TPRG1: variants seen among roughly 807,000 people sequenced by gnomAD.
TPRG1 encodes the protein tumor protein p63 regulated 1, also known as tumor protein p63-regulated gene 1 protein.
A neutral mutation model predicts 29.3 loss-of-function variants in TPRG1; 29 were observed. The ratio of observed to expected loss-of-function variants is 0.99; its 90% CI spans 0.74 to 1.35. TPRG1 has a LOEUF of 1.35. Among genes scored for constraint, TPRG1 ranks in the 40% most tolerant of loss-of-function variants. The pLI, the probability that TPRG1 is intolerant of heterozygous loss-of-function variation, is 0.00. For missense variants in TPRG1, 327 were observed against 335.0 expected (o/e 0.98, Z 0.19); for synonymous variants, 130 against 116.8 (o/e 1.11, Z -0.73).
chr3:189,226,393 T>G (rs931817352), intron 3 of TPRG1, among the ~76,000 whole-genome samples: 2 of 151,966 alleles, frequency 1.3e-5, no homozygotes, highest in Admixed American at 1.3e-4. Flanking sequence ...GTCCAAACAC[T>G]CGGAAATTAA....
intron 2 of TPRG1, among the ~76,000 whole-genome samples, chr3:189,208,621 T>C (rs1353950993): frequency 6.6e-6 from 1 of 152,174 alleles, no homozygotes; most frequent in Non-Finnish European, 1.5e-5. Flanking sequence ...GCATATACTC[T>C]TATGTGCAAG....
At chr3:189,130,382 C>T (rs931023900) in intron 2 of TPRG1, among the ~76,000 whole-genome samples, 19 of 152,220 alleles carry the variant, frequency 1.2e-4, no homozygotes, top group African/African-American at 4.3e-4. Flanking sequence ...GGTGAATTAA[C>T]TTACATGTAG....
intron 3 of TPRG1, among the ~76,000 whole-genome samples, chr3:189,012,965 G>A (rs1431270689): frequency 6.6e-6 from 1 of 151,894 alleles, no homozygotes; most frequent in Admixed American, 6.6e-5. Flanking sequence ...ATTTCTTGAA[G>A]GATTTTTCAT....
chr3:189,178,421 C>T (rs1263702598), intron 1 of TPRG1, among the ~76,000 whole-genome samples: 2 of 152,034 alleles, frequency 1.3e-5, no homozygotes, highest in Non-Finnish European at 2.9e-5. Context: ...CCCAGCTACT[C>T]GCAAGGCTGA....
intron 4 of TPRG1, among the ~76,000 whole-genome samples, chr3:189,058,626 T>C (rs888223490): frequency 2.6e-5 from 4 of 152,222 alleles, no homozygotes; most frequent in Non-Finnish European, 5.9e-5. Flanking sequence ...CAAAGAGGTA[T>C]GCATCATGAA....
chr3:189,056,196 A>G (rs1018917469), intron 4 of TPRG1, among the ~76,000 whole-genome samples: 1 of 152,000 alleles, frequency 6.6e-6, no homozygotes, highest in Non-Finnish European at 1.5e-5. Flanking sequence ...CCCGGGTCCA[A>G]GCGAGTCTCA....
At chr3:189,058,538 C>T (rs1394838623) in intron 4 of TPRG1, among the ~76,000 whole-genome samples, 1 of 152,086 alleles carries the variant, frequency 6.6e-6, no homozygotes, top group African/African-American at 2.4e-5. Flanking sequence ...GCCCACAAAA[C>T]AAGTCATTGG....
At chr3:189,111,147 T>C (rs1471950259) in intron 1 of TPRG1, among the ~76,000 whole-genome samples, 1 of 151,952 alleles carries the variant, frequency 6.6e-6, no homozygotes, top group Non-Finnish European at 1.5e-5. Flanking sequence ...TTGCATTGAA[T>C]CTGTAGGTTA....
chr3:189,084,132 C>CA (rs771617144), intron 4 of TPRG1, among the ~76,000 whole-genome samples: 69 of 150,756 alleles, frequency 4.6e-4, no homozygotes, highest in Non-Finnish European at 8.1e-4. Flanking sequence ...GCCTGGGTGA[C>CA]AGAGTGAGAC....
At chr3:189,248,109 C>T (rs573396417) in intron 4 of TPRG1, among the ~76,000 whole-genome samples, 35 of 151,642 alleles carry the variant, frequency 2.3e-4, no homozygotes, top group Non-Finnish European at 4.4e-4. Context: ...GTGTGTTTCA[C>T]CTATGAAAAT....
intron 4 of TPRG1, among the ~76,000 whole-genome samples, chr3:189,256,807 A>T (rs1711985386): frequency 6.6e-6 from 1 of 152,066 alleles, no homozygotes; most frequent in Admixed American, 6.6e-5. Context: ...AGTCTGTTTT[A>T]TCAGAGACTA....
intron 4 of TPRG1, among the ~76,000 whole-genome samples, chr3:189,288,997 C>T (rs1192718102): frequency 3.3e-5 from 5 of 152,140 alleles, no homozygotes; most frequent in Non-Finnish European, 5.9e-5. Flanking sequence ...TGTCACTCAC[C>T]GATGTACTGT....
chr3:189,088,273 T>C (rs144371098), intron 4 of TPRG1, among the ~76,000 whole-genome samples: 2,069 of 152,134 alleles, frequency 0.014, 45 homozygotes, highest in African/African-American at 0.045. Flanking sequence ...CAATTGTGAA[T>C]GGGAGTTCAC....
At chr3:189,196,502 A>G (rs1296526501) in intron 1 of TPRG1, among the ~76,000 whole-genome samples, 3 of 152,164 alleles carry the variant, frequency 2.0e-5, no homozygotes, top group Non-Finnish European at 2.9e-5. Flanking sequence ...AGCAAGACAC[A>G]TCTTACATGG....
intron 4 of TPRG1, among the ~76,000 whole-genome samples, chr3:189,281,542 A>ATG (rs148972781): frequency 6.6e-6 from 1 of 152,074 alleles, no homozygotes; most frequent in East Asian, 1.9e-4. Context: ...GTGGATGCAT[A>ATG]TGTGTGTGTG....
chr3:189,009,566 G>A (rs895002774), intron 3 of TPRG1, among the ~76,000 whole-genome samples: 2 of 152,028 alleles, frequency 1.3e-5, no homozygotes, highest in Non-Finnish European at 2.9e-5. Flanking sequence ...TACATATACA[G>A]CACCTGCAGA....
chr3:189,088,160 G>A (rs1718086975), intron 4 of TPRG1, among the ~76,000 whole-genome samples: 1 of 152,104 alleles, frequency 6.6e-6, no homozygotes, highest in Non-Finnish European at 1.5e-5. Context: ...CCATTTGTTT[G>A]TTTCCTCTTT....
At chr3:189,312,393 T>A (rs1298935899) in intron 5 of TPRG1, among the ~76,000 whole-genome samples, 1 of 151,646 alleles carries the variant, frequency 6.6e-6, no homozygotes, top group Non-Finnish European at 1.5e-5. Context: ...AATAACCTAT[T>A]TTCCCAAAGA....
chr3:189,106,187 AT>A (rs1719805816), intron 1 of TPRG1, among the ~76,000 whole-genome samples: 2 of 152,188 alleles, frequency 1.3e-5, no homozygotes, highest in Non-Finnish European at 2.9e-5. Context: ...GTATGAGATC[AT>A]TATGATGACC....
Sources: allele counts gnomAD v4.1 joint callset (sites outside exome capture counted in the v4.1 genomes callset), GRCh38; gene constraint gnomAD v4.1.1; transcripts MANE v1.5; gene names NCBI Gene and HGNC (gene_info 2026-07-23, HGNC 2026-07-21).